FUBP3: variants seen among roughly 807,000 people sequenced by gnomAD.
FUBP3 encodes far upstream element-binding protein 3.
Under a neutral mutation model 85.6 loss-of-function variants are expected in FUBP3, and 28 were observed. The ratio of observed to expected loss-of-function variants is 0.33; its 90% confidence interval spans 0.24 to 0.45. The LOEUF (loss-of-function observed/expected upper bound fraction) is 0.45, where lower values mean the gene tolerates loss of function less well. FUBP3 is among the 20% of genes least tolerant of loss of function. FUBP3 has a pLI of 1.00. For missense variants in FUBP3, 583 were observed against 755.1 expected (o/e 0.77, Z 2.67); for synonymous variants, 271 against 271.4 (o/e 1.00, Z 0.01).
Position 130,616,380 on chromosome 9 carries a change from A to G in FUBP3, c.430A>G (p.Ile144Val). The change falls in exon 7 of 19, where the codon ATT (isoleucine) becomes GTT (valine). Residue 144 changes from isoleucine to valine, a missense_variant. By Grantham distance (29) the Ile-to-Val change is conservative. Transcript: ENST00000319725. The surrounding 1 kb of genome is among the most constrained non-coding windows in gnomAD (Gnocchi z 4.7). The part of the protein sequence containing the change: ...IEQAKRLLGQ[I>V]VDRCRNGPGF... Reference sequence around the variant, plus strand: ...ACAAGCCAAACGGCTCCTGGGACAGATTGTGGACCGCTGTCGAAATGGACC... The same window carrying G: ...ACAAGCCAAACGGCTCCTGGGACAGGTTGTGGACCGCTGTCGAAATGGACC... The G allele has an allele frequency of 6.2e-7, 1 of 1,614,156 alleles. No homozygotes were observed. Among genetic ancestry groups the G allele is most frequent in the Non-Finnish European group, 8.5e-7 (1 of 1,180,010 alleles).
At position 130,631,606 on chromosome 9, in the gene FUBP3, A is replaced by G; in HGVS notation, c.1328A>G (p.Gln443Arg). ...GCCTTCGGACAGAGTCCATTCAGCC[A>G]GCCACCTGCCCCACCTCATCAAAAG... is the stretch of plus-strand genomic sequence containing the variant. The part of the protein sequence containing the change: ...PGAFGQSPFS[Q>R]PPAPPHQNTF... The change falls in exon 14 of 19, where the codon CAG becomes CGG. Residue 443 changes from glutamine to arginine, a missense_variant. Transcript: ENST00000319725. 5 of 1,613,912 alleles carry G rather than the reference A, an allele frequency of 3.1e-6. No individual in the cohort carries two copies. The highest frequency in any genetic ancestry group is 3.4e-6 in the Non-Finnish European group (4 of 1,179,774).
At position 130,617,851 on chromosome 9, in the gene FUBP3, G is replaced by A. The variant is rs754380179; in HGVS notation, c.622G>A (p.Ala208Thr). The change falls in exon 8 of 19, where the codon GCA (alanine) becomes ACA (threonine). Residue 208 changes from alanine (A) to threonine (T), a missense_variant. This residue lies in a region of FUBP3 where 404 missense variants were observed against 516.8 expected (regional missense o/e 0.78). Coordinates refer to ENST00000319725, the MANE Select transcript of FUBP3 (RefSeq NM_003934.2). ...MIQDGPLPTG[A>T]DKPLRITGDA... The stretch of plus-strand genomic sequence containing the variant: ...CCAGGATGGCCCATTGCCCACGGGA[G>A]CAGACAAGCCTCTTCGTATCACTGG... The A allele has an allele frequency of 6.8e-6, 11 of 1,610,046 alleles. No homozygotes were observed. The highest frequency in any genetic ancestry group is 1.1e-5 in the South Asian group (1 of 90,958).
chr9:130,620,208 C>T (rs1011326417), intron 8 of FUBP3, 146 bp from the exon 9 acceptor site: 1 of 516,548 alleles, frequency 1.9e-6, no homozygotes, highest in Admixed American at 3.8e-5. Flanking sequence ...CATCCCCCTA[C>T]ATGTCCCATA....
chr9:130,592,731 T>TG (rs893461164), intron 1 of FUBP3, among the ~76,000 whole-genome samples: 2 of 152,018 alleles, frequency 1.3e-5, no homozygotes, highest in Non-Finnish European at 2.9e-5. Context: ...TTTGTAGAGA[T>TG]GGGGGTCTTG....
chr9:130,632,418 G>A, intron 16 of FUBP3, 140 bp downstream of exon 16: 1 of 665,628 alleles, frequency 1.5e-6, no homozygotes, highest in South Asian at 1.8e-5. Flanking sequence ...CCTCTGGGTG[G>A]GGCTTGGGCC....
chr9:130,623,560 C>T (rs764077442), intron 10 of FUBP3, 51 bp from the exon 11 acceptor site: 1 of 1,165,886 alleles, frequency 8.6e-7, no homozygotes, highest in Non-Finnish European at 1.3e-6. Flanking sequence ...ATCCTTGTTT[C>T]CTTCTAACGT....
At chr9:130,599,357 A>ATG (rs1348116004) in intron 2 of FUBP3, among the ~76,000 whole-genome samples, 3 of 74,454 alleles carry the variant, frequency 4.0e-5, no homozygotes, top group African/African-American at 9.2e-5. Context: ...ATATATAAGT[A>ATG]TATGTGTGTG....
chr9:130,610,950 C>G (rs1831713962), intron 3 of FUBP3, among the ~76,000 whole-genome samples: 1 of 152,144 alleles, frequency 6.6e-6, no homozygotes, highest in Admixed American at 6.5e-5. Context: ...AAAGCCATAA[C>G]TAGTCAGGAT....
In FUBP3 at chr9:130,631,645, T is replaced by C. The variant is rs1473880418; in HGVS notation, c.1352+15T>C. The stretch of plus-strand genomic sequence containing the variant: ...CCTCATCAAAAGTGAGTCTTTTGCA[T>C]CAGTCTTGCCTGGGAGAATTCACTC... On this transcript the variant is annotated intron_variant, in intron 14 of 18. Transcript: ENST00000319725. 10 of 1,594,714 alleles carry C rather than the reference T, an allele frequency of 6.3e-6. No homozygotes were observed.
At chr9:130,607,839 T>C (rs989930831) in intron 2 of FUBP3, among the ~76,000 whole-genome samples, 1 of 152,222 alleles carries the variant, frequency 6.6e-6, no homozygotes, top group African/African-American at 2.4e-5. Flanking sequence ...CAGAGTTGAC[T>C]CTGGACTTGA....
intron 17 of FUBP3, 89 bp downstream of exon 17, chr9:130,634,827 TC>T: frequency 1.0e-6 from 1 of 967,652 alleles, no homozygotes; most frequent in East Asian, 2.6e-5. Context: ...ACCTCTTTTT[TC>T]CCTAATGCCT....
Position 130,613,052 on chromosome 9 carries a change from T to C in FUBP3, c.346+25T>C, listed in dbSNP as rs553343659. On this transcript the variant is annotated intron_variant, in intron 5 of 18. Transcript: ENST00000319725. ...GGTAAGGGCTTTTTAAAAATAGATA[T>C]CAATTTTGTAGAAATCAGTATTTTG... 3.8e-4 allele frequency: 552 copies of C among 1,471,712 alleles called. 1 individual carries two copies. The highest frequency in any genetic ancestry group is 5.5e-5 in the African/African-American group (4 of 72,208). 91.2% of individuals were successfully genotyped at this position (1,471,712 alleles called of 1,614,324 possible). A position where few individuals can be genotyped will look rare whatever the true frequency, so the allele number is the denominator to read the frequency against.
intron 16 of FUBP3, 97 bp downstream of exon 16, chr9:130,632,375 GC>G: frequency 2.3e-6 from 2 of 872,680 alleles, no homozygotes; most frequent in Non-Finnish European, 3.7e-6. Context: ...CAGCCAGCAG[GC>G]CCAGGATGCC....
At chr9:130,607,928 G>A (rs573622738) in intron 2 of FUBP3, among the ~76,000 whole-genome samples, 1 of 152,302 alleles carries the variant, frequency 6.6e-6, no homozygotes, top group Admixed American at 6.5e-5. Context: ...TTCATCTCTG[G>A]TCATTATGAG....
intron 11 of FUBP3, among the ~76,000 whole-genome samples, chr9:130,624,301 G>A (rs1829875462): frequency 6.6e-6 from 1 of 152,252 alleles, no homozygotes; most frequent in Admixed American, 6.5e-5. Flanking sequence ...TGGGTCTGGT[G>A]TTCCCAGCAG....
intron 14 of FUBP3, 30 bp from the exon 15 acceptor site, chr9:130,631,912 C>T: frequency 6.6e-6 from 10 of 1,518,966 alleles, no homozygotes; most frequent in East Asian, 2.3e-5. Context: ...GTGAGGCGCT[C>T]AGTCTGTTGT....
At chr9:130,588,515 G>T (rs1339112993) in intron 1 of FUBP3, among the ~76,000 whole-genome samples, 1 of 152,220 alleles carries the variant, frequency 6.6e-6, no homozygotes, top group South Asian at 2.1e-4. Flanking sequence ...CTGTGTCATT[G>T]TTCTGCAATA....
At chr9:130,596,252 A>G (rs1377744286) in intron 2 of FUBP3, among the ~76,000 whole-genome samples, 1 of 152,196 alleles carries the variant, frequency 6.6e-6, no homozygotes, top group African/African-American at 2.4e-5. Flanking sequence ...CTGTTACTAT[A>G]GAAGAGATAG....
chr9:130,595,740 A>G (rs1399499041), intron 2 of FUBP3, 152 bp downstream of exon 2: 2 of 631,244 alleles, frequency 3.2e-6, no homozygotes, highest in Non-Finnish European at 5.8e-6. Context: ...TTTTCTCAGC[A>G]GTTCTTCAGC....
Sources: allele counts gnomAD v4.1 joint callset (sites outside exome capture counted in the v4.1 genomes callset), GRCh38; gene constraint gnomAD v4.1.1; regional missense constraint gnomAD v4.1.1; non-coding constraint Gnocchi (gnomAD v3.1); transcripts MANE v1.5; gene names NCBI Gene and HGNC (gene_info 2026-07-23, HGNC 2026-07-21).